The following TSPEAR variants were observed in gnomAD, a reference collection of about 807,000 sequenced individuals.
TSPEAR encodes thrombospondin type laminin G domain and EAR repeats, also known as thrombospondin-type laminin G domain and EAR repeat-containing protein.
In TSPEAR, 69 loss-of-function variants were observed where a neutral mutation model predicts 71.6. The observed-to-expected ratio is 0.96, with a 90% CI of 0.79 to 1.18. TSPEAR has a LOEUF of 1.18. Ranked by LOEUF, TSPEAR falls within the 50% of genes most tolerant of loss-of-function variation. The pLI is 0.00. For synonymous variants in TSPEAR, 402 were observed against 387.2 expected, an observed-to-expected ratio of 1.04 and a Z score of -0.45; for missense variants, 971 against 894.9, an observed-to-expected ratio of 1.09 and a Z score of -1.09.
chr21:44,544,784 A>G (rs782720749), intron 2 of TSPEAR, among the ~76,000 whole-genome samples: 1 of 152,122 alleles, frequency 6.6e-6, no homozygotes, highest in Non-Finnish European at 1.5e-5. Context: ...AACGGAGGCT[A>G]ATGAGGAAGC....
rs75823848 is a variant in TSPEAR at position 44,507,508 on chromosome 21, T to G, written c.1754+1691A>C. Reference sequence around the variant, plus strand: ...TGTGTGCTGTTTTGATGGTAATTATTAAACATTACCTTAATTAATTGGTAA... The same window carrying G: ...TGTGTGCTGTTTTGATGGTAATTATGAAACATTACCTTAATTAATTGGTAA... On this transcript the variant is annotated intron_variant, in intron 10 of 11. Transcript: ENST00000323084. Among the ~76,000 whole-genome samples the G allele has an allele frequency of 6.3e-3, 954 of 152,310 alleles. 15 individuals are homozygous for G. Among genetic ancestry groups the G allele is most frequent in the African/African-American group, 0.02 (847 of 41,536 alleles).
rs1984518236 is a variant in TSPEAR, at chr21:44,647,594, T to C, written c.82+63839A>G. 1.7e-5 allele frequency: 10 copies of C among 591,082 alleles called. No homozygotes were observed. In the South Asian group the frequency reaches 1.9e-4, roughly 11 times the overall value. 36.6% of individuals were successfully genotyped at this position (591,082 alleles called of 1,614,324 possible). ...AGCCCCCTTCTCCAAATGTGTTGCT[T>C]ATACCCAATGTGACAAAGAAGAACT... On this transcript the variant is annotated intron_variant, in intron 1 of 11. Coordinates refer to ENST00000323084, the MANE Select transcript of TSPEAR (RefSeq NM_144991.3).
intron 1 of TSPEAR, among the ~76,000 whole-genome samples, chr21:44,598,348 C>T (rs587658648): frequency 4.6e-5 from 7 of 152,328 alleles, no homozygotes; most frequent in African/African-American, 1.7e-4. Context: ...GGCAGGATCA[C>T]GTTAGGAATA....
chr21:44,619,209 T>C (rs782273621), intron 1 of TSPEAR, among the ~76,000 whole-genome samples: 28 of 152,308 alleles, frequency 1.8e-4, no homozygotes, highest in African/African-American at 6.5e-4. Context: ...GAAAAATAAG[T>C]TTTTGATTCC....
chr21:44,675,788 G>A (rs1986285460), intron 1 of TSPEAR: 2 of 549,744 alleles, frequency 3.6e-6, no homozygotes, highest in Non-Finnish European at 6.6e-6. Context: ...ACAATTCTGG[G>A]ACCCTTGCGG....
At chr21:44,579,801 G>A (rs1555924593) in intron 1 of TSPEAR, 2 of 1,609,514 alleles carry the variant, frequency 1.2e-6, no homozygotes, top group East Asian at 4.5e-5. Flanking sequence ...CGGCAGAGGA[G>A]GGACACGCAG....
intron 1 of TSPEAR, chr21:44,574,533 G>A (rs782279948): frequency 1.2e-6 from 2 of 1,609,092 alleles, no homozygotes; most frequent in Non-Finnish European, 1.7e-6. Flanking sequence ...CTGCCAGCCG[G>A]CTTGCTGCAC....
At chr21:44,673,147 G>A (rs1331074618) in intron 1 of TSPEAR, among the ~76,000 whole-genome samples, 1 of 152,126 alleles carries the variant, frequency 6.6e-6, no homozygotes, top group Non-Finnish European at 1.5e-5. Context: ...TCTAAAAATA[G>A]CAAGAAGAAA....
At chr21:44,572,203 G>T (rs929959843) in intron 1 of TSPEAR, among the ~76,000 whole-genome samples, 3 of 152,198 alleles carry the variant, frequency 2.0e-5, no homozygotes, top group Non-Finnish European at 2.9e-5. Context: ...GGTCAAGGTC[G>T]CTGAGGCCAA....
At chr21:44,592,029 C>A in intron 1 of TSPEAR, 1 of 1,602,222 alleles carries the variant, frequency 6.2e-7, no homozygotes, top group Non-Finnish European at 8.5e-7. Flanking sequence ...AGCAGGCCTG[C>A]TGGCAGGGGG....
intron 1 of TSPEAR, among the ~76,000 whole-genome samples, chr21:44,598,733 C>T (rs2146140712): frequency 6.6e-6 from 1 of 152,288 alleles, no homozygotes; most frequent in South Asian, 2.1e-4. Flanking sequence ...TTAGACCCCA[C>T]AAGAGATTAT....
At chr21:44,560,258 G>C (rs2053613309) in intron 2 of TSPEAR, among the ~76,000 whole-genome samples, 1 of 152,122 alleles carries the variant, frequency 6.6e-6, no homozygotes, top group South Asian at 2.1e-4. Flanking sequence ...TAATGATAAA[G>C]GGATCAATTC....
intron 1 of TSPEAR, among the ~76,000 whole-genome samples, chr21:44,607,116 C>A (rs989363317): frequency 1.3e-5 from 2 of 152,194 alleles, no homozygotes; most frequent in African/African-American, 4.8e-5. Context: ...CACAGTCTTG[C>A]TCTGTTGCCA....
At chr21:44,585,386 G>C (rs1226909617) in intron 1 of TSPEAR, among the ~76,000 whole-genome samples, 2 of 152,172 alleles carry the variant, frequency 1.3e-5, no homozygotes, top group Non-Finnish European at 2.9e-5. Context: ...CCTAGTCACT[G>C]TCATCAGCTG....
At chr21:44,543,112 G>A (rs1402084092) in intron 2 of TSPEAR, among the ~76,000 whole-genome samples, 1 of 151,778 alleles carries the variant, frequency 6.6e-6, no homozygotes, top group Admixed American at 6.6e-5. Flanking sequence ...GTCACCAGCA[G>A]GATCTGCACT....
At chr21:44,697,908 G>A (rs61745911) in intron 1 of TSPEAR, 91,138 of 1,612,260 alleles carry the variant, frequency 0.057, 6,127 homozygotes, top group African/African-American at 0.3. Flanking sequence ...TCCCTCCTCT[G>A]CCGCCCCACA....
intron 2 of TSPEAR, chr21:44,558,456 GGCTGGCAGCTAGACT>G (rs2053579557): frequency 6.2e-7 from 1 of 1,614,024 alleles, no homozygotes; most frequent in African/African-American, 1.3e-5. Context: ...GCAGCAAGCT[GGCTGGCAGCTAGACT>G]GCTGGCAGCA....
At chr21:44,649,257 C>G (rs2146245767) in intron 1 of TSPEAR, among the ~76,000 whole-genome samples, 1 of 152,354 alleles carries the variant, frequency 6.6e-6, no homozygotes, top group South Asian at 2.1e-4. Flanking sequence ...GGTGAGAGCA[C>G]AGCCCCAGGC....
chr21:44,664,193 A>G (rs1985634519), intron 1 of TSPEAR, among the ~76,000 whole-genome samples: 1 of 152,160 alleles, frequency 6.6e-6, no homozygotes. Context: ...GAAAATCCCC[A>G]AAATTCTACA....
Sources: gnomAD v4.1 joint callset for allele counts (sites outside exome capture counted in the v4.1 genomes callset) on GRCh38, gnomAD v4.1.1 for gene constraint, MANE v1.5 for transcripts, NCBI Gene and HGNC (gene_info 2026-07-23, HGNC 2026-07-21) for gene names.